DNAH17: variants seen among roughly 807,000 people sequenced by gnomAD.
DNAH17 encodes dynein axonemal heavy chain 17.
In DNAH17, 376 loss-of-function variants were observed where a neutral mutation model predicts 485.6. The observed-to-expected ratio is 0.77, with a 90% confidence interval of 0.71 to 0.84. The LOEUF (loss-of-function observed/expected upper bound fraction) is 0.84. Among genes scored for constraint, DNAH17 ranks in the 40% least tolerant of loss-of-function variants. DNAH17 has a pLI of 0.00. For synonymous variants in DNAH17, 3,031 were observed against 2,405.9 expected (o/e 1.26, Z -7.60); for missense variants, 6,370 against 5,839.3 (o/e 1.09, Z -2.96).
At position 78,428,372 on chromosome 17, in the gene DNAH17, ATAC is replaced by A; in HGVS notation, c.12588+150_12588+152del. The A allele has an allele frequency of 6.5e-6, 6 of 919,114 alleles. No individual in the cohort carries two copies. The South Asian group carries it at 7.5e-5, about 12-fold the overall frequency. The allele number at this position is 919,114 out of a possible 1,614,324, so 56.9% of individuals were successfully genotyped here. ...GGACCTGCTGACCAGCCTGCGGGCC[ATAC>A]CCCAGTGTTTCTGATACCCAAGCCC... On this transcript the variant is annotated intron_variant, in intron 77 of 80. Transcript: ENST00000389840.
rs779824650 is a variant in DNAH17, at chr17:78,490,821, C to G, written c.6696G>C (p.Arg2232=). 4 of 1,602,838 alleles carry G rather than the reference C, an allele frequency of 2.5e-6. No individual in the cohort carries two copies. Among genetic ancestry groups the G allele is most frequent in the Non-Finnish European group, 3.4e-6 (4 of 1,174,774 alleles). Residue 2232 remains arginine (R), a synonymous_variant, in exon 44 of 81, where the codon CGG becomes CGC. Coordinates refer to ENST00000389840, the MANE Select transcript of DNAH17 (RefSeq NM_173628.4). The part of the protein sequence containing the change: ...NKVLTLASNE[R]IPLNRTMRLV... ...GCCTCATGGTGCGGTTCAGGGGGAT[C>G]CGCTCGTTGCTGGCCAGGGTGAGGA...
Position 78,425,333 on chromosome 17 carries a change from G to A in DNAH17, c.13141+13C>T, listed in dbSNP as rs1410136199. The stretch of plus-strand genomic sequence containing the variant: ...TCTGGAAGCTTCTGCAGACAGACAA[G>A]AGCCCTCCTTACCTTCCATGAAGAG... On this transcript the variant is annotated intron_variant, in intron 80 of 80. Transcript: ENST00000389840. 4 of 1,611,144 alleles carry A rather than the reference G, an allele frequency of 2.5e-6. No individual in the cohort carries two copies. The South Asian group carries it at 3.3e-5, about 13-fold the overall frequency.
At chr17:78,439,860 G>C (rs1403982706) in intron 72 of DNAH17, among the ~76,000 whole-genome samples, 1 of 151,624 alleles carries the variant, frequency 6.6e-6, no homozygotes, top group African/African-American at 2.4e-5. Flanking sequence ...AGTAGAGATG[G>C]GGTTTCATCA....
intron 41 of DNAH17, 127 bp downstream of exon 41, chr17:78,493,909 G>A: frequency 7.4e-7 from 1 of 1,354,546 alleles, no homozygotes; most frequent in Non-Finnish European, 9.8e-7. Flanking sequence ...ACTCAGGCCG[G>A]AGGGCTCCCA....
Position 78,444,810 on chromosome 17 carries a change from G to C in DNAH17, c.11335-13C>G, listed in dbSNP as rs2087212028. The C allele has an allele frequency of 5.2e-6, 8 of 1,549,422 alleles. No homozygotes were observed. The highest frequency in any genetic ancestry group is 7.0e-6 in the Non-Finnish European group (8 of 1,150,380). On this transcript the variant is annotated splice_polypyrimidine_tract_variant and intron_variant, in intron 70 of 80. Coordinates refer to ENST00000389840, the MANE Select transcript of DNAH17 (RefSeq NM_173628.4). Reference sequence around the variant, plus strand: ...TCTCCGAGAGGGCCTAGGGGCAGAGGCAGCGGGCCCTGTGACTCTTCCCAC... The same window carrying C: ...TCTCCGAGAGGGCCTAGGGGCAGAGCCAGCGGGCCCTGTGACTCTTCCCAC...
intron 26 of DNAH17, among the ~76,000 whole-genome samples, chr17:78,512,922 C>G (rs1032165792): frequency 3.6e-5 from 4 of 111,196 alleles, no homozygotes; most frequent in South Asian, 3.0e-4. Context: ...GCCTGGGCAA[C>G]AGAGAGAGAC....
chr17:78,450,830 G>C lies in DNAH17; in HGVS notation c.10751C>G (p.Ser3584Cys). 2 of 1,613,978 alleles carry C rather than the reference G, an allele frequency of 1.2e-6. No homozygotes were observed. Among genetic ancestry groups the C allele is most frequent in the Non-Finnish European group, 1.7e-6 (2 of 1,179,892 alleles). The change falls in exon 67 of 81, where the codon TCT (serine) becomes TGT (cysteine). Residue 3584 changes from serine to cysteine, a missense_variant. Physicochemically the swap from Ser to Cys is moderately radical, Grantham distance 112. Coordinates refer to ENST00000389840, the MANE Select transcript of DNAH17 (RefSeq NM_173628.4). ...LEQLKANLTKSQNEFKIVLKE... is the reference protein window; with the variant it reads ...LEQLKANLTKCQNEFKIVLKE... ...CAGAACAATCTTAAATTCGTTTTGA[G>C]ACTTGGTGAGGTTTGCCTGCAAGGG...
In DNAH17 at chr17:78,459,117, C is replaced by A. The variant is rs139080560; in HGVS notation, c.9745G>T (p.Val3249Phe). 14 of 1,613,858 alleles carry A rather than the reference C, an allele frequency of 8.7e-6. No individual in the cohort carries two copies. In the African/African-American group the frequency reaches 1.2e-4, roughly 14 times the overall value. ...TCGCAGTAGACCTCGTAGAAGCGGA[C>A]GATGTTGATGCACCAGGAGCACAGG... is the stretch of plus-strand genomic sequence containing the variant. ...AGLCSWCINI[V>F]RFYEVYCDVA... The change falls in exon 61 of 81, where the codon GTC becomes TTC. Residue 3249 changes from valine (V) to phenylalanine (F), a missense_variant. Physicochemically the swap from Val to Phe is conservative, Grantham distance 50. Coordinates refer to ENST00000389840, the MANE Select transcript of DNAH17 (RefSeq NM_173628.4).
chr17:78,433,905 CAAAAGGAAA>C, intron 75 of DNAH17, 115 bp downstream of exon 75: 1 of 567,106 alleles, frequency 1.8e-6, no homozygotes, highest in Non-Finnish European at 2.4e-6. Context: ...AGACAAAGAC[CAAAAGGAAA>C]GGGAGGGAAG....
chr17:78,532,456 G>A (rs1198726474), intron 20 of DNAH17, 26 bp downstream of exon 20: 1 of 1,586,752 alleles, frequency 6.3e-7, no homozygotes, highest in African/African-American at 1.3e-5. Context: ...GAGACAAGGA[G>A]GCTGGTGGGT....
chr17:78,537,186 A>G, intron 19 of DNAH17, 113 bp downstream of exon 19: 3 of 1,206,956 alleles, frequency 2.5e-6, no homozygotes, highest in Non-Finnish European at 2.2e-6. Flanking sequence ...TCAAAAAAAA[A>G]AAAAGAAAAA....
chr17:78,442,754 T>C (rs1364408057), intron 71 of DNAH17, among the ~76,000 whole-genome samples: 1 of 152,126 alleles, frequency 6.6e-6, no homozygotes, highest in Non-Finnish European at 1.5e-5. Flanking sequence ...AGGAAGCACT[T>C]ACGCCATGGA....
In DNAH17 at chr17:78,506,866, T is replaced by G. The variant is rs750436025; in HGVS notation, c.4677-20A>C. The G allele has an allele frequency of 6.2e-7, 1 of 1,613,668 alleles. No homozygotes were observed. The highest frequency in any genetic ancestry group is 1.1e-5 in the South Asian group (1 of 91,058). On this transcript the variant is annotated intron_variant, in intron 29 of 80. Coordinates refer to ENST00000389840, the MANE Select transcript of DNAH17 (RefSeq NM_173628.4). ...GCCAAGCTGGGAGGAAGGAAGGAAG[T>G]AGAGGAGGCCGGTGACCCTACTCTG...
chr17:78,573,902 C>T (rs967697724), intron 2 of DNAH17, among the ~76,000 whole-genome samples: 5 of 152,184 alleles, frequency 3.3e-5, no homozygotes, highest in Non-Finnish European at 7.3e-5. Flanking sequence ...TAAGGCACCC[C>T]CATTCTGGAG....
rs1052782884 is a variant in DNAH17 at position 78,476,511 on chromosome 17, G to A, written c.8154+61C>T. 7.7e-5 allele frequency: 119 copies of A among 1,535,574 alleles called. 1 individual carries two copies. The highest frequency in any genetic ancestry group is 9.8e-5 in the Non-Finnish European group (112 of 1,138,046). On this transcript the variant is annotated intron_variant, in intron 52 of 80. Coordinates refer to ENST00000389840, the MANE Select transcript of DNAH17 (RefSeq NM_173628.4). ...AGGGCTGCAGTTCTCATTGGCCGCC[G>A]ACACTCCACCCTCCTGGAGCCATTC...
intron 78 of DNAH17, 153 bp from the exon 79 acceptor site, chr17:78,426,753 AGGAAC>A (rs780091433): frequency 1.1e-5 from 15 of 1,308,902 alleles, no homozygotes; most frequent in Admixed American, 2.3e-5. Flanking sequence ...CTTCCTGCTA[AGGAAC>A]GGTCTAGATG....
Position 78,560,800 on chromosome 17 carries a change from C to T in DNAH17, c.1971G>A (p.Gly657=), listed in dbSNP as rs777143828. The T allele has an allele frequency of 3.9e-6, 6 of 1,551,910 alleles. No homozygotes were observed. The highest frequency in any genetic ancestry group is 4.4e-6 in the Non-Finnish European group (5 of 1,147,210). ...GVDQDCHFNL[G]QPLILRDAAS... ...CGGCGTCCCGCAGAATCAGCGGCTGCCCCAGGTTAAAGTGGCAGTCCTGGT... is the reference window on the plus strand; with the variant it reads ...CGGCGTCCCGCAGAATCAGCGGCTGTCCCAGGTTAAAGTGGCAGTCCTGGT... Residue 657 remains glycine (G), a synonymous_variant, in exon 13 of 81, where the codon GGG becomes GGA. Coordinates refer to ENST00000389840, the MANE Select transcript of DNAH17 (RefSeq NM_173628.4).
intron 26 of DNAH17, 64 bp downstream of exon 26, chr17:78,514,710 G>T (rs2090733535): frequency 6.4e-7 from 1 of 1,567,232 alleles, no homozygotes; most frequent in African/African-American, 1.4e-5. Context: ...GCTCAGGCCA[G>T]CCCATCCTGC....
chr17:78,529,153 G>A (rs888821227), intron 22 of DNAH17, among the ~76,000 whole-genome samples: 1 of 152,110 alleles, frequency 6.6e-6, no homozygotes, highest in African/African-American at 2.4e-5. Flanking sequence ...CGTTGCTCAG[G>A]CTGGTCTCAA....
Sources: gnomAD v4.1 joint callset for allele counts (sites outside exome capture counted in the v4.1 genomes callset) on GRCh38, gnomAD v4.1.1 for gene constraint, MANE v1.5 for transcripts, NCBI Gene and HGNC (gene_info 2026-07-23, HGNC 2026-07-21) for gene names.